Variants in ANKRA2 observed in about 807,000 individuals in gnomAD.
ANKRA2 encodes the protein ankyrin repeat family A protein 2.
In ANKRA2, 33 loss-of-function variants were observed where a neutral mutation model predicts 37.8. That is an observed-to-expected ratio of 0.87 (90% CI 0.66 to 1.17). ANKRA2 has a LOEUF of 1.17. Among genes scored for constraint, ANKRA2 ranks in the 50% most tolerant of loss-of-function variants. The pLI is 0.00. For missense variants in ANKRA2, 326 were observed against 373.7 expected, an observed-to-expected ratio of 0.87 and a Z score of 1.05; for synonymous variants, 126 against 132.3, an observed-to-expected ratio of 0.95 and a Z score of 0.33.
intron 3 of ANKRA2, among the ~76,000 whole-genome samples, chr5:73,559,992 G>C (rs1747504181): frequency 6.6e-6 from 1 of 152,096 alleles, no homozygotes; most frequent in African/African-American, 2.4e-5. Flanking sequence ...TTGAACTCCT[G>C]AACTCAAGTA....
At position 73,561,110 on chromosome 5, in the gene ANKRA2, C is replaced by A. The variant is rs147195419; in HGVS notation, c.448+20G>T. 1.9e-6 allele frequency: 3 copies of A among 1,592,286 alleles called. No homozygotes were observed. The highest frequency in any genetic ancestry group is 2.6e-6 in the Non-Finnish European group (3 of 1,167,948). ...GTATTACATTAAGAATATAGTAATA[C>A]ATCAGTGGCAAATACTTACAATTTG... On this transcript the variant is annotated intron_variant, in intron 3 of 8. Transcript: ENST00000296785.
At chr5:73,553,323 G>T in intron 8 of ANKRA2, 83 bp downstream of exon 8, 3 of 1,012,828 alleles carry the variant, frequency 3.0e-6, no homozygotes, top group Non-Finnish European at 4.4e-6. Context: ...TAGGATTACA[G>T]TGATAAAGAT....
intron 2 of ANKRA2, 84 bp from the exon 3 acceptor site, chr5:73,561,372 G>T (rs1747550334): frequency 7.8e-7 from 1 of 1,285,274 alleles, no homozygotes; most frequent in Middle Eastern, 1.8e-4. Flanking sequence ...AGAAATACAT[G>T]AGGTGTAATA....
chr5:73,557,619 G>A lies in ANKRA2; in HGVS notation c.470C>T (p.Ala157Val), dbSNP rs768797428. The A allele has an allele frequency of 1.9e-6, 3 of 1,610,516 alleles. No homozygotes were observed. The highest frequency in any genetic ancestry group is 1.3e-5 in the African/African-American group (1 of 74,770). The change falls in exon 4 of 9, where the codon GCT becomes GTT. Residue 157 changes from alanine (A) to valine (V), a missense_variant. Ala to Val is a moderately conservative substitution (Grantham distance 64). Coordinates refer to ENST00000296785, the MANE Select transcript of ANKRA2 (RefSeq NM_023039.5). ...CAGATAGAGCATCTCTCCCTGAGCA[G>A]CCAACTGGTGAACAGACAAAGCTGA... ...LANSLSVHQL[A>V]AQGEMLYLAT...
intron 1 of ANKRA2, among the ~76,000 whole-genome samples, chr5:73,564,275 A>G (rs1156754857): frequency 6.6e-6 from 1 of 152,198 alleles, no homozygotes; most frequent in Admixed American, 6.5e-5. Context: ...TTCCTGAGGG[A>G]AGAACCATCT....
rs572090330 is a variant in ANKRA2 at position 73,552,373 on chromosome 5, T to G, written c.*424A>C. ...ATTTTATTTATTTATAATATCATTT[T>G]GTAAACAATCACACTGTGCACTTTT... On this transcript the variant is annotated 3_prime_UTR_variant, in exon 9 of 9. Coordinates refer to ENST00000296785, the MANE Select transcript of ANKRA2 (RefSeq NM_023039.5). 1 of 153,150 alleles carries G rather than the reference T, an allele frequency of 6.5e-6. No homozygotes were observed. The highest frequency in any genetic ancestry group is 2.4e-5 in the African/African-American group (1 of 41,584). The allele number at this position is 153,150 out of a possible 1,614,324, so 9.5% of individuals were successfully genotyped here. A position where few individuals can be genotyped will look rare whatever the true frequency, so the allele number is the denominator to read the frequency against.
At chr5:73,553,363 A>C in intron 8 of ANKRA2, 43 bp downstream of exon 8, 79 of 1,456,232 alleles carry the variant, frequency 5.4e-5, no homozygotes, top group Non-Finnish European at 7.2e-5. Flanking sequence ...TACTATTTAC[A>C]GAGCTTTACT....
Position 73,562,893 on chromosome 5 carries a change from T to C in ANKRA2, c.-12A>G, listed in dbSNP as rs754800724. ...GTTGATGTATCCATGATTTCAACTGTAGTTTCAATAACTAAAACATTTCTT... is the reference window on the plus strand; with the variant it reads ...GTTGATGTATCCATGATTTCAACTGCAGTTTCAATAACTAAAACATTTCTT... On this transcript the variant is annotated 5_prime_UTR_variant, in exon 2 of 9. Transcript: ENST00000296785. The C allele has an allele frequency of 6.3e-7, 1 of 1,581,460 alleles. No individual in the cohort carries two copies. Among genetic ancestry groups the C allele is most frequent in the South Asian group, 1.1e-5 (1 of 87,058 alleles).
rs1490275534 is a variant in ANKRA2, at chr5:73,557,228, C to T, written c.514+347G>A. 3.3e-5 allele frequency among the ~76,000 whole-genome samples: 5 copies of T among 151,552 alleles called. No homozygotes were observed. The East Asian group carries it at 5.8e-4, about 18-fold the overall frequency. ...GCTCTCCACAGTATTCAGTGTAAAA[C>T]GGTGCAATGTAGTGTATATTTTCCC... On this transcript the variant is annotated intron_variant, in intron 4 of 8. Transcript: ENST00000296785.
chr5:73,564,794 G>A (rs924454565), intron 1 of ANKRA2, among the ~76,000 whole-genome samples: 1 of 152,102 alleles, frequency 6.6e-6, no homozygotes, highest in African/African-American at 2.4e-5. Context: ...GGTGGAAAAT[G>A]AACGCTTATC....
chr5:73,564,465 T>C (rs1262894471), intron 1 of ANKRA2, among the ~76,000 whole-genome samples: 1 of 152,228 alleles, frequency 6.6e-6, no homozygotes, highest in Non-Finnish European at 1.5e-5. Flanking sequence ...CACAGAACAG[T>C]ACTTGGTCCT....
Position 73,554,876 on chromosome 5 carries a change from T to A in ANKRA2, c.723A>T (p.Val241=), listed in dbSNP as rs1561268390. Residue 241 remains valine, a synonymous_variant, in exon 6 of 9, where the codon GTA becomes GTT. Transcript: ENST00000296785. ...VKMLLDCGVD[V]NEYDWNGGTP... ...ACAAACTTACCCAATCATATTCATT[T>A]ACATCAACTCCACAATCAAGCAGCA... 6.2e-7 allele frequency: 1 copy of A among 1,613,694 alleles called. No individual in the cohort carries two copies. The highest frequency in any genetic ancestry group is 8.5e-7 in the Non-Finnish European group (1 of 1,179,796).
chr5:73,563,936 A>G (rs771813955), intron 1 of ANKRA2, among the ~76,000 whole-genome samples: 84 of 152,188 alleles, frequency 5.5e-4, no homozygotes, highest in Non-Finnish European at 1.1e-3. Context: ...TCCTTTGAGT[A>G]GGCAGGTCAG....
At chr5:73,555,289 G>A (rs546300128) in intron 5 of ANKRA2, 199 bp downstream of exon 5, 15 of 1,201,468 alleles carry the variant, frequency 1.2e-5, no homozygotes, top group South Asian at 3.4e-5. Context: ...GGGTCTGGGC[G>A]TTAAATTATT....
Position 73,562,971 on chromosome 5 carries a change from T to C in ANKRA2, c.-90A>G, listed in dbSNP as rs1431632921. 6 of 1,220,100 alleles carry C rather than the reference T, an allele frequency of 4.9e-6. No individual in the cohort carries two copies. Among genetic ancestry groups the C allele is most frequent in the African/African-American group, 1.5e-5 (1 of 65,694 alleles). 75.6% of individuals were successfully genotyped at this position (1,220,100 alleles called of 1,614,324 possible). A position where few individuals can be genotyped will look rare whatever the true frequency, so the allele number is the denominator to read the frequency against. On this transcript the variant is annotated 5_prime_UTR_variant, in exon 2 of 9. Coordinates refer to ENST00000296785, the MANE Select transcript of ANKRA2 (RefSeq NM_023039.5). ...CAGTATCCAGTGTGTTCTTGGAATC[T>C]GGATATTTAAAAATCTGAAAGAAAA...
At chr5:73,557,373 A>T in intron 4 of ANKRA2, 1 of 340,784 alleles carries the variant, frequency 2.9e-6, no homozygotes, top group African/African-American at 2.1e-5. Context: ...TTTGGGGAAA[A>T]GGCAACGGTG....
At position 73,555,045 on chromosome 5, in the gene ANKRA2, T is replaced by C; in HGVS notation, c.613-59A>G. On this transcript the variant is annotated intron_variant, in intron 5 of 8. Coordinates refer to ENST00000296785, the MANE Select transcript of ANKRA2 (RefSeq NM_023039.5). ...ATTAGTTTAAACAAGAATATTGTTA[T>C]TCCTGTCAACAATAATTATAGTTCA... The C allele has an allele frequency of 2.6e-6, 4 of 1,567,900 alleles. No homozygotes were observed. In the African/African-American group the frequency reaches 4.1e-5, roughly 16 times the overall value.
In ANKRA2 at chr5:73,552,791, CTG is replaced by C. The variant is rs1747287031; in HGVS notation, c.*4_*5del. 6.3e-7 allele frequency: 1 copy of C among 1,596,964 alleles called. No homozygotes were observed. The highest frequency in any genetic ancestry group is 2.2e-5 in the East Asian group (1 of 44,450). ...CAAAAGGGCAGACATTTTCTGATGA[CTG>C]TGTCTACTCCTTGATATTTTGAAGC... On this transcript the variant is annotated 3_prime_UTR_variant, in exon 9 of 9. Transcript: ENST00000296785.
At chr5:73,559,969 G>A (rs1162520153) in intron 3 of ANKRA2, among the ~76,000 whole-genome samples, 3 of 152,096 alleles carry the variant, frequency 2.0e-5, no homozygotes, top group Non-Finnish European at 4.4e-5. Context: ...TTGTTATGTT[G>A]CTCAGGCTGG....
Sources: gnomAD v4.1 joint callset for allele counts (sites outside exome capture counted in the v4.1 genomes callset) on GRCh38, gnomAD v4.1.1 for gene constraint, MANE v1.5 for transcripts, NCBI Gene and HGNC (gene_info 2026-07-23, HGNC 2026-07-21) for gene names.